The following ATP10B variants were observed in gnomAD, a reference collection of about 807,000 sequenced individuals.
ATP10B encodes the protein phospholipid-transporting ATPase VB.
In ATP10B, 122 loss-of-function variants were observed where a neutral mutation model predicts 141.2. That is an observed-to-expected ratio of 0.86 (90% CI 0.75 to 1.00). ATP10B has a LOEUF of 1.00. Ranked by LOEUF, ATP10B falls within the 50% of genes least tolerant of loss-of-function variation. ATP10B has a pLI of 0.00. For synonymous variants in ATP10B, 685 were observed against 692.0 expected, an observed-to-expected ratio of 0.99 and a Z score of 0.16; for missense variants, 1,876 against 1,825.3, an observed-to-expected ratio of 1.03 and a Z score of -0.51.
chr5:160,630,307 A>C (rs1758852110), intron 13 of ATP10B, among the ~76,000 whole-genome samples: 1 of 152,190 alleles, frequency 6.6e-6, no homozygotes, highest in African/African-American at 2.4e-5. Context: ...CTCTGGGGTT[A>C]GTGTGTCCCT....
At chr5:160,718,828 A>T (rs540142619) in intron 2 of ATP10B, among the ~76,000 whole-genome samples, 11 of 152,266 alleles carry the variant, frequency 7.2e-5, no homozygotes, top group Admixed American at 2.0e-4. Context: ...TACACTGGGG[A>T]TCAAATTTCA....
At chr5:160,731,141 T>G (rs74542457) in intron 2 of ATP10B, among the ~76,000 whole-genome samples, 1 of 152,210 alleles carries the variant, frequency 6.6e-6, no homozygotes, top group African/African-American at 2.4e-5. Flanking sequence ...GTTTCTCTCA[T>G]TATGATTTTC....
intron 2 of ATP10B, among the ~76,000 whole-genome samples, chr5:160,749,965 G>C (rs1768047509): frequency 6.6e-6 from 1 of 152,152 alleles, no homozygotes; most frequent in African/African-American, 2.4e-5. Flanking sequence ...CTAAGTTCCT[G>C]GTGCGATTAC....
intron 1 of ATP10B, among the ~76,000 whole-genome samples, chr5:160,801,058 T>C (rs1189213139): frequency 6.6e-6 from 1 of 151,946 alleles, no homozygotes; most frequent in Non-Finnish European, 1.5e-5. Context: ...CTTTGTGGAG[T>C]TTCACATACA....
At chr5:160,852,885 G>A (rs956627056), upstream of ATP10B, among the ~76,000 whole-genome samples, 4 of 143,144 alleles carry the variant, frequency 2.8e-5, no homozygotes, top group Non-Finnish European at 6.1e-5. Flanking sequence ...AGAATGAGCA[G>A]TAAGTTGATT....
At chr5:160,817,730 GC>G (rs1446363910) in intron 1 of ATP10B, among the ~76,000 whole-genome samples, 1 of 152,080 alleles carries the variant, frequency 6.6e-6, no homozygotes, top group Admixed American at 6.6e-5. Context: ...GAGGCATCAC[GC>G]TACCTGACTT....
the ATP10B span, among the ~76,000 whole-genome samples, chr5:160,871,301 G>A: frequency 2.0e-5 from 3 of 151,714 alleles, no homozygotes. Context: ...CAGAAGGGAG[G>A]GAATTAGAAT....
At position 160,849,692 on chromosome 5, in the gene ATP10B, A is replaced by G. The variant is rs995564498; in HGVS notation, c.-576+2249T>C. On this transcript the variant is annotated intron_variant, in intron 1 of 25. Coordinates refer to ENST00000327245, the MANE Select transcript of ATP10B (RefSeq NM_025153.3). ...GCGCAGTAACTTGCCAAGGTTACAC[A>G]ATTATAGGAAGCAGAACTGTAATTC... Among the ~76,000 whole-genome samples, 4 of 152,040 alleles carry G rather than the reference A, an allele frequency of 2.6e-5. No homozygotes were observed. In the East Asian group the frequency reaches 5.8e-4, roughly 22 times the overall value.
At chr5:160,796,691 G>A (rs977490640) in intron 1 of ATP10B, among the ~76,000 whole-genome samples, 2 of 152,146 alleles carry the variant, frequency 1.3e-5, no homozygotes, top group Non-Finnish European at 2.9e-5. Flanking sequence ...TTTAATATTT[G>A]TTGCACCACA....
chr5:160,846,668 A>C (rs1028071649), intron 1 of ATP10B, among the ~76,000 whole-genome samples: 1 of 152,194 alleles, frequency 6.6e-6, no homozygotes, highest in Non-Finnish European at 1.5e-5. Flanking sequence ...CCACCACAAA[A>C]AATTGCTATT....
chr5:160,608,315 A>T (rs1757515509), intron 18 of ATP10B, among the ~76,000 whole-genome samples: 1 of 152,088 alleles, frequency 6.6e-6, no homozygotes, highest in Non-Finnish European at 1.5e-5. Flanking sequence ...ACATTTTCTT[A>T]ATCCAGTCTA....
intron 2 of ATP10B, among the ~76,000 whole-genome samples, chr5:160,783,400 GGATATAT>G (rs1394695746): frequency 1.1e-3 from 105 of 93,066 alleles, no homozygotes; most frequent in African/African-American, 4.2e-3. Context: ...TATATGTGAT[GGATATAT>G]CTATCCATGG....
At chr5:160,692,636 G>A (rs1213304032) in intron 3 of ATP10B, 1 of 152,186 alleles carries the variant, frequency 6.6e-6, no homozygotes, top group Non-Finnish European at 1.5e-5. Flanking sequence ...TTCAGATTCT[G>A]AAGTCCGGTG....
At chr5:160,569,375 C>T in intron 25 of ATP10B, 121 bp downstream of exon 25, 1 of 959,020 alleles carries the variant, frequency 1.0e-6, no homozygotes, top group Non-Finnish European at 1.6e-6. Context: ...CTCTCTGTTT[C>T]TGAAACATTA....
intron 1 of ATP10B, among the ~76,000 whole-genome samples, chr5:160,843,827 T>C (rs1191528765): frequency 6.6e-6 from 1 of 152,152 alleles, no homozygotes; most frequent in Admixed American, 6.6e-5. Flanking sequence ...TGAATTCATA[T>C]TATTTTTCTC....
At chr5:160,702,036 C>G (rs1467306730) in intron 3 of ATP10B, among the ~76,000 whole-genome samples, 1 of 150,794 alleles carries the variant, frequency 6.6e-6, no homozygotes, top group Non-Finnish European at 1.5e-5. Flanking sequence ...GCCACTCTAA[C>G]CCCCAGTGCT....
chr5:160,787,860 T>C (rs1771282843), intron 1 of ATP10B, among the ~76,000 whole-genome samples: 1 of 152,164 alleles, frequency 6.6e-6, no homozygotes, highest in Admixed American at 6.5e-5. Flanking sequence ...ATAGTCCGTA[T>C]CCAGCTAATA....
intron 9 of ATP10B, among the ~76,000 whole-genome samples, chr5:160,641,577 C>T (rs915959108): frequency 6.6e-6 from 1 of 152,128 alleles, no homozygotes; most frequent in African/African-American, 2.4e-5. Context: ...CATTGTGAAC[C>T]CAAGATTCAG....
chr5:160,827,770 G>A (rs957618985), intron 1 of ATP10B, among the ~76,000 whole-genome samples: 12 of 152,270 alleles, frequency 7.9e-5, no homozygotes, highest in African/African-American at 2.6e-4. Context: ...TAAGAGTCCA[G>A]TTTCATTCAC....
Sources: allele counts gnomAD v4.1 joint callset (sites outside exome capture counted in the v4.1 genomes callset), GRCh38; gene constraint gnomAD v4.1.1; transcripts MANE v1.5; gene names NCBI Gene and HGNC (gene_info 2026-07-23, HGNC 2026-07-21).